Variants in GNAL observed in about 807,000 individuals in gnomAD.
GNAL encodes G protein subunit alpha L, also known as guanine nucleotide-binding protein G(olf) subunit alpha.
Under a neutral mutation model 55.1 loss-of-function variants are expected in GNAL, and 18 were observed. That is an observed-to-expected ratio of 0.33 (90% CI 0.23 to 0.48). The LOEUF (loss-of-function observed/expected upper bound fraction) is 0.48, where lower values mean the gene tolerates loss of function less well. Among genes scored for constraint, GNAL ranks in the 20% least tolerant of loss-of-function variants. GNAL has a pLI of 0.99. For missense variants in GNAL, 412 were observed against 614.1 expected (o/e 0.67, Z 3.48); for synonymous variants, 253 against 237.0 (o/e 1.07, Z -0.62).
chr18:11,693,052 T>G (rs1233021606), intron 1 of GNAL, among the ~76,000 whole-genome samples: 1 of 134,950 alleles, frequency 7.4e-6, no homozygotes, highest in African/African-American at 3.6e-5. Context: ...AGAGTTGTCA[T>G]CTCAAGAAAC....
At chr18:11,858,265 A>G (rs187108099) in intron 5 of GNAL, among the ~76,000 whole-genome samples, 131 of 152,306 alleles carry the variant, frequency 8.6e-4, no homozygotes, top group Non-Finnish European at 9.6e-4. Flanking sequence ...ATAATGAAAA[A>G]AAAATCAGAG....
chr18:11,693,198 A>G (rs2031307926), intron 1 of GNAL, among the ~76,000 whole-genome samples: 1 of 152,226 alleles, frequency 6.6e-6, no homozygotes, highest in South Asian at 2.1e-4. Context: ...AATAAAAGTT[A>G]TTAGACTATG....
intron 1 of GNAL, among the ~76,000 whole-genome samples, chr18:11,720,092 A>G (rs141151855): frequency 1.3e-5 from 2 of 152,304 alleles, no homozygotes; most frequent in East Asian, 3.9e-4. Context: ...TTTCCTAGCA[A>G]GCACCACATG....
chr18:11,767,998 C>T (rs1210716256), intron 4 of GNAL, among the ~76,000 whole-genome samples: 2 of 152,166 alleles, frequency 1.3e-5, no homozygotes, highest in Admixed American at 6.5e-5. Context: ...TTTTAAGTCC[C>T]TCCAATTAAC....
chr18:11,723,128 G>A (rs752687433), intron 1 of GNAL, among the ~76,000 whole-genome samples: 1 of 152,108 alleles, frequency 6.6e-6, no homozygotes, highest in Non-Finnish European at 1.5e-5. Context: ...AGGTTGCAGT[G>A]AGCCAAGATC....
At chr18:11,798,374 C>A (rs1430873723) in intron 4 of GNAL, among the ~76,000 whole-genome samples, 1 of 152,150 alleles carries the variant, frequency 6.6e-6, no homozygotes, top group African/African-American at 2.4e-5. Context: ...TAGTTAATGG[C>A]AGTATGTCAC....
At chr18:11,755,118 T>C (rs1442099456) in intron 4 of GNAL, among the ~76,000 whole-genome samples, 1 of 152,134 alleles carries the variant, frequency 6.6e-6, no homozygotes, top group East Asian at 1.9e-4. Flanking sequence ...ATCCTCTCTT[T>C]GAAGGGAAGC....
chr18:11,769,593 GGAGT>G (rs1343864665), intron 4 of GNAL, among the ~76,000 whole-genome samples: 3 of 152,150 alleles, frequency 2.0e-5, no homozygotes, highest in African/African-American at 7.2e-5. Flanking sequence ...CACAGTTGTG[GGAGT>G]TAGTTTATTA....
At position 11,882,703 on chromosome 18, in the gene GNAL, A is replaced by C. The variant is rs965102141; in HGVS notation, c.*1568A>C. On this transcript the variant is annotated 3_prime_UTR_variant, in exon 12 of 12. Coordinates refer to ENST00000334049, the MANE Select transcript of GNAL (RefSeq NM_182978.4). ...TCAGGCCAAAAAAAAAAAAAAAAAA[A>C]ACCTTGACGTGTCAATGTTTGTGTC... 1.3e-5 allele frequency: 2 copies of C among 151,588 alleles called. No homozygotes were observed. Among genetic ancestry groups the C allele is most frequent in the East Asian group, 3.9e-4 (2 of 5,064 alleles). The allele number at this position is 151,588 out of a possible 1,614,324, so 9.4% of individuals were successfully genotyped here. A position where few individuals can be genotyped will look rare whatever the true frequency, so the allele number is the denominator to read the frequency against.
chr18:11,787,409 C>T (rs988403101), intron 4 of GNAL, among the ~76,000 whole-genome samples: 2 of 152,070 alleles, frequency 1.3e-5, no homozygotes, highest in Non-Finnish European at 2.9e-5. Context: ...GTGAGGTGGG[C>T]CGAAACAGTT....
chr18:11,763,442 C>T lies in GNAL; in HGVS notation c.624+9497C>T, dbSNP rs141551313. 4.1e-3 allele frequency among the ~76,000 whole-genome samples: 627 copies of T among 151,966 alleles called. 1 individual carries two copies. Among genetic ancestry groups the T allele is most frequent in the Middle Eastern group, 0.017 (5 of 292 alleles). ...TTTTTTTCTTTTTTGAACAGAGTCT[C>T]GCTCTGTCTCCCAGGCTGGAGTGCA... On this transcript the variant is annotated intron_variant, in intron 4 of 11. Coordinates refer to ENST00000334049, the MANE Select transcript of GNAL (RefSeq NM_182978.4).
intron 5 of GNAL, among the ~76,000 whole-genome samples, chr18:11,843,993 T>G (rs2035677156): frequency 6.6e-6 from 1 of 151,874 alleles, no homozygotes; most frequent in Non-Finnish European, 1.5e-5. Flanking sequence ...CAAAAAACTT[T>G]ATGTTTTGGC....
intron 1 of GNAL, among the ~76,000 whole-genome samples, chr18:11,741,429 A>G (rs912519622): frequency 2.1e-4 from 32 of 152,202 alleles, no homozygotes; most frequent in African/African-American, 7.7e-4. Flanking sequence ...AAATGAAATG[A>G]TGTTTTTTAT....
intron 5 of GNAL, among the ~76,000 whole-genome samples, chr18:11,828,191 C>T (rs1208399277): frequency 2.6e-5 from 4 of 152,046 alleles, no homozygotes; most frequent in African/African-American, 9.7e-5. Flanking sequence ...TTATCTTTTC[C>T]TCTTACTCTC....
intron 5 of GNAL, among the ~76,000 whole-genome samples, chr18:11,827,385 G>A (rs1443725317): frequency 1.3e-5 from 2 of 152,142 alleles, no homozygotes; most frequent in Admixed American, 6.6e-5. Flanking sequence ...GGCCGAGGAG[G>A]GTGGATCACC....
At chr18:11,721,360 T>C (rs2032088228) in intron 1 of GNAL, among the ~76,000 whole-genome samples, 1 of 152,240 alleles carries the variant, frequency 6.6e-6, no homozygotes, top group South Asian at 2.1e-4. Context: ...TAAACCTTTT[T>C]CTGCTCCACA....
At chr18:11,823,680 G>A (rs548381177) in intron 4 of GNAL, among the ~76,000 whole-genome samples, 17 of 152,288 alleles carry the variant, frequency 1.1e-4, no homozygotes, top group Middle Eastern at 3.4e-3. Flanking sequence ...CAAAGAATCT[G>A]TGTTGATTCC....
chr18:11,730,240 G>A (rs145787699), intron 1 of GNAL, among the ~76,000 whole-genome samples: 1 of 150,482 alleles, frequency 6.6e-6, no homozygotes, highest in East Asian at 2.0e-4. Context: ...GCTCACTGCA[G>A]CCTCCACCTC....
At position 11,752,379 on chromosome 18, in the gene GNAL, C is replaced by T; in HGVS notation, c.377-474C>T. On this transcript the variant is annotated intron_variant, in intron 1 of 11. Transcript: ENST00000334049. The surrounding 1 kb of genome is among the most constrained non-coding windows in gnomAD (Gnocchi z 4.5). ...AGGAGCCGCACACGTCTCCAACTCT[C>T]TATTGCTTTTTGCGCACATTCCTAA... The T allele has an allele frequency of 1.3e-6, 2 of 1,570,704 alleles. No homozygotes were observed. Among genetic ancestry groups the T allele is most frequent in the Non-Finnish European group, 8.6e-7 (1 of 1,162,704 alleles).
Sources: gnomAD v4.1 joint callset for allele counts (sites outside exome capture counted in the v4.1 genomes callset) on GRCh38, gnomAD v4.1.1 for gene constraint, Gnocchi (gnomAD v3.1) non-coding constraint, MANE v1.5 for transcripts, NCBI Gene and HGNC (gene_info 2026-07-23, HGNC 2026-07-21) for gene names.